The following CD8B2 variants were observed in gnomAD, a reference collection of about 807,000 sequenced individuals.
CD8B2 encodes the protein CD8B family member 2, also known as T-cell surface glycoprotein CD8 beta-2 chain.
Under a neutral mutation model 23.7 loss-of-function variants are expected in CD8B2, and 11 were observed. That is an observed-to-expected ratio of 0.46 (90% CI 0.29 to 0.77). The LOEUF (loss-of-function observed/expected upper bound fraction) is 0.77. Ranked by LOEUF, CD8B2 falls within the 30% of genes least tolerant of loss-of-function variation. The pLI is 0.09. For missense variants in CD8B2, 197 were observed against 270.5 expected, an observed-to-expected ratio of 0.73 and a Z score of 1.91; for synonymous variants, 90 against 109.3, an observed-to-expected ratio of 0.82 and a Z score of 1.10.
chr2:106,491,557 AT>A (rs34489135), intron 2 of CD8B2, among the ~76,000 whole-genome samples: 2 of 151,680 alleles, frequency 1.3e-5, no homozygotes, highest in Non-Finnish European at 2.9e-5. Context: ...TTATTTATTT[AT>A]TTTTTTTGAG....
At chr2:106,535,561 G>A (rs531748302) in intron 5 of CD8B2, among the ~76,000 whole-genome samples, 8 of 152,126 alleles carry the variant, frequency 5.3e-5, no homozygotes, top group African/African-American at 1.2e-4. Context: ...AACATCACCC[G>A]TAATTCCATC....
intron 1 of CD8B2, among the ~76,000 whole-genome samples, 183 bp downstream of exon 1, chr2:106,487,652 C>T (rs180840456): frequency 6.6e-6 from 1 of 152,176 alleles, no homozygotes; most frequent in Non-Finnish European, 1.5e-5. Context: ...ACCCCCATAT[C>T]GCATTACCCC....
At chr2:106,499,011 G>A (rs528078902) in intron 3 of CD8B2, among the ~76,000 whole-genome samples, 1 of 152,038 alleles carries the variant, frequency 6.6e-6, no homozygotes, top group African/African-American at 2.4e-5. Context: ...GCTGGGCTGG[G>A]GGTGTCATTG....
At chr2:106,515,672 T>C (rs895264232), downstream of CD8B2, among the ~76,000 whole-genome samples, 1 of 152,150 alleles carries the variant, frequency 6.6e-6, no homozygotes, top group Non-Finnish European at 1.5e-5. Context: ...GTATTTTTGT[T>C]ATAGTGACCC....
At chr2:106,540,814 C>T (rs534226092) in intron 5 of CD8B2, among the ~76,000 whole-genome samples, 4 of 152,284 alleles carry the variant, frequency 2.6e-5, no homozygotes, top group South Asian at 4.1e-4. Context: ...CCACCTGCCT[C>T]GGCCTCCCAA....
At chr2:106,502,827 C>T (rs560716374) in intron 4 of CD8B2, among the ~76,000 whole-genome samples, 5 of 151,878 alleles carry the variant, frequency 3.3e-5, no homozygotes, top group East Asian at 1.9e-4. Context: ...CTCTGAGCCT[C>T]GGCTGCCTCA....
intron 5 of CD8B2, among the ~76,000 whole-genome samples, chr2:106,527,162 A>G (rs1012765259): frequency 2.0e-4 from 31 of 152,200 alleles, no homozygotes; most frequent in Admixed American, 5.9e-4. Context: ...ACTATTCTCT[A>G]AAGTTGCACC....
At chr2:106,501,786 G>A (rs1195973762) in intron 3 of CD8B2, among the ~76,000 whole-genome samples, 1 of 152,174 alleles carries the variant, frequency 6.6e-6, no homozygotes, top group African/African-American at 2.4e-5. Context: ...TTAATTCTGT[G>A]AAGGAGCAAA....
Position 106,509,360 on chromosome 2 carries a change from C to T in CD8B2, c.*2420C>T, listed in dbSNP as rs1447288111. On this transcript the variant is annotated 3_prime_UTR_variant, in exon 6 of 6. Transcript: ENST00000643224. ...TCTAGGGTTCGTGTTTCAGGTGGGC[C>T]CCTCACCCGGCCCATCACAAACAAA... The T allele has an allele frequency of 2.0e-5, 3 of 152,148 alleles. No homozygotes were observed. In the East Asian group the frequency reaches 5.8e-4, roughly 29 times the overall value. 9.4% of individuals were successfully genotyped at this position (152,148 alleles called of 1,614,324 possible).
At chr2:106,503,992 T>C (rs1255025035) in intron 4 of CD8B2, among the ~76,000 whole-genome samples, 3 of 152,198 alleles carry the variant, frequency 2.0e-5, no homozygotes, top group African/African-American at 7.2e-5. Context: ...TAATTGAGTT[T>C]GAATTCTGGC....
chr2:106,496,398 A>C, intron 3 of CD8B2, 136 bp downstream of exon 3: 1 of 1,402,808 alleles, frequency 7.1e-7, no homozygotes, highest in African/African-American at 1.5e-5. Flanking sequence ...AGCTAGGGTC[A>C]GAAAGGATGC....
At chr2:106,524,262 T>C (rs1053115790) in intron 5 of CD8B2, among the ~76,000 whole-genome samples, 1 of 152,196 alleles carries the variant, frequency 6.6e-6, no homozygotes, top group Non-Finnish European at 1.5e-5. Flanking sequence ...TTTTCATACA[T>C]GGTCAGGCCA....
rs115769880 is a variant in CD8B2, at chr2:106,518,271, C to A, written c.620+13946C>A. Among the ~76,000 whole-genome samples, 985 of 152,280 alleles carry A rather than the reference C, an allele frequency of 6.5e-3. 12 individuals are homozygous for A. Among genetic ancestry groups the A allele is most frequent in the African/African-American group, 0.022 (905 of 41,546 alleles). On this transcript the variant is annotated intron_variant, in intron 5 of 5. Transcript: ENST00000416057. ...GGAAAGAAAAGAGGATTAATTACGG[C>A]AGCTTTGATAGGAGGACATTATTTA...
At chr2:106,496,550 A>G (rs1679304120) in intron 3 of CD8B2, among the ~76,000 whole-genome samples, 1 of 152,246 alleles carries the variant, frequency 6.6e-6, no homozygotes, top group Admixed American at 6.5e-5. Flanking sequence ...AAAAGCAGAA[A>G]CTACCCAAAC....
intron 3 of CD8B2, among the ~76,000 whole-genome samples, chr2:106,496,772 T>C (rs1273346336): frequency 6.6e-6 from 1 of 151,308 alleles, no homozygotes; most frequent in Non-Finnish European, 1.5e-5. Flanking sequence ...GGGAAAGAAA[T>C]GGGGAGTGAT....
At chr2:106,514,036 T>A (rs1024337387), downstream of CD8B2, among the ~76,000 whole-genome samples, 16 of 150,498 alleles carry the variant, frequency 1.1e-4, no homozygotes, top group African/African-American at 3.9e-4. Flanking sequence ...GTGGTCTATC[T>A]TGTGGTGTAG....
chr2:106,529,862 G>C (rs950870173), intron 5 of CD8B2, among the ~76,000 whole-genome samples: 2 of 152,208 alleles, frequency 1.3e-5, no homozygotes, highest in African/African-American at 4.8e-5. Context: ...GCAGCGATGA[G>C]GTTTCCTGGA....
chr2:106,513,709 A>C (rs1679681086), downstream of CD8B2, among the ~76,000 whole-genome samples: 1 of 151,038 alleles, frequency 6.6e-6, no homozygotes, highest in Admixed American at 6.6e-5. Context: ...GGAGGCCATG[A>C]CTCCCACCCC....
intron 3 of CD8B2, 27 bp from the exon 4 acceptor site, chr2:106,502,447 A>G (rs1679428424): frequency 7.3e-7 from 1 of 1,365,524 alleles, no homozygotes. Context: ...TTCTGTGTTG[A>G]ACACATGTCA....
Sources: gnomAD v4.1 joint callset for allele counts (sites outside exome capture counted in the v4.1 genomes callset) on GRCh38, gnomAD v4.1.1 for gene constraint, MANE v1.5 for transcripts, NCBI Gene and HGNC (gene_info 2026-07-23, HGNC 2026-07-21) for gene names.